CHST8: variants seen among roughly 807,000 people sequenced by gnomAD.
The protein encoded by CHST8 is carbohydrate sulfotransferase 8.
CHST8 carries 10 observed loss-of-function variants against 15.0 expected under a neutral mutation model. That is an observed-to-expected ratio of 0.67 (90% CI 0.41 to 1.13). The LOEUF (loss-of-function observed/expected upper bound fraction) is 1.13, where lower values mean the gene tolerates loss of function less well. Among genes scored for constraint, CHST8 ranks in the 50% most tolerant of loss-of-function variants. CHST8 has a pLI of 0.00. For missense variants in CHST8, 634 were observed against 608.2 expected, an observed-to-expected ratio of 1.04 and a Z score of -0.45; for synonymous variants, 259 against 256.6, an observed-to-expected ratio of 1.01 and a Z score of -0.09.
In CHST8 at chr19:33,773,216, G is replaced by T. The variant is rs971950697; in HGVS notation, c.*153G>T. 4 of 877,624 alleles carry T rather than the reference G, an allele frequency of 4.6e-6. No homozygotes were observed. In the African/African-American group the frequency reaches 6.8e-5, roughly 15 times the overall value. 54.4% of individuals were successfully genotyped at this position (877,624 alleles called of 1,614,324 possible). A position where few individuals can be genotyped will look rare whatever the true frequency, so the allele number is the denominator to read the frequency against. On this transcript the variant is annotated 3_prime_UTR_variant, in exon 5 of 5. Transcript: ENST00000650847. Reference sequence around the variant, plus strand: ...GGAGGCAGCAGGCCCCGGGTGGGGGGCAGAGGCGCCCAGCCTTGGATGGGG... The same window carrying T: ...GGAGGCAGCAGGCCCCGGGTGGGGGTCAGAGGCGCCCAGCCTTGGATGGGG...
chr19:33,722,268 T>A lies in CHST8; in HGVS notation c.130+32877T>A, dbSNP rs111655774. ...AAGGTGGGAGGGAGGGAGTGATAGATGAATGGATGGATGGACAGACGGATG... is the reference window on the plus strand; with the variant it reads ...AAGGTGGGAGGGAGGGAGTGATAGAAGAATGGATGGATGGACAGACGGATG... On this transcript the variant is annotated intron_variant, in intron 3 of 4. Coordinates refer to ENST00000650847, the MANE Select transcript of CHST8 (RefSeq NM_001127895.2). Among the ~76,000 whole-genome samples, 316 of 149,070 alleles carry A rather than the reference T, an allele frequency of 2.1e-3. 1 individual carries two copies. Among genetic ancestry groups the A allele is most frequent in the African/African-American group, 7.5e-3 (301 of 40,222 alleles).
Position 33,757,430 on chromosome 19 carries a change from GA to G in CHST8, c.131-13980del, listed in dbSNP as rs1167464595. ...AGAAAGAAAGAAAGAAAGAAAGAAA[GA>G]AAGAAAGAAAGAAAGAAAGAAAGAA... On this transcript the variant is annotated intron_variant, in intron 3 of 4. Transcript: ENST00000650847. 2.4e-4 allele frequency among the ~76,000 whole-genome samples: 4 copies of G among 16,970 alleles called. 2 individuals carry two copies. The highest frequency in any genetic ancestry group is 4.5e-4 in the Non-Finnish European group (4 of 8,904). 11.1% of individuals were successfully genotyped at this position (16,970 alleles called of 152,430 possible).
intron 3 of CHST8, among the ~76,000 whole-genome samples, chr19:33,762,398 C>T (rs1243948959): frequency 6.6e-6 from 1 of 152,240 alleles, no homozygotes; most frequent in Non-Finnish European, 1.5e-5. Flanking sequence ...TCTCTGACAG[C>T]TCCAAGGGAA....
intron 3 of CHST8, among the ~76,000 whole-genome samples, chr19:33,750,683 A>T (rs1430686251): frequency 6.6e-6 from 1 of 152,218 alleles, no homozygotes; most frequent in Non-Finnish European, 1.5e-5. Context: ...AAAATAGAGC[A>T]TTCTTTTTCG....
Position 33,724,878 on chromosome 19 carries a change from G to A in CHST8, c.130+35487G>A, listed in dbSNP as rs370857683. Among the ~76,000 whole-genome samples, 9 of 152,264 alleles carry A rather than the reference G, an allele frequency of 5.9e-5. No individual in the cohort carries two copies. The East Asian group carries it at 1.7e-3, about 29-fold the overall frequency. On this transcript the variant is annotated intron_variant, in intron 3 of 4. Transcript: ENST00000650847. ...AGGGTGGACTGTGGCCCAGAGTGGG[G>A]GGCCACACCTCGGCACACCCCAGCC...
intron 2 of CHST8, among the ~76,000 whole-genome samples, chr19:33,680,039 C>G (rs1344948369): frequency 1.3e-5 from 2 of 152,210 alleles, no homozygotes; most frequent in Admixed American, 6.5e-5. Flanking sequence ...AGGCCTACAT[C>G]CCTATTCCAC....
In CHST8 at chr19:33,701,241, C is replaced by T. The variant is rs145923214; in HGVS notation, c.130+11850C>T. 3.7e-3 allele frequency among the ~76,000 whole-genome samples: 558 copies of T among 152,170 alleles called. 3 individuals carry two copies. Among genetic ancestry groups the T allele is most frequent in the African/African-American group, 0.013 (533 of 41,492 alleles). On this transcript the variant is annotated intron_variant, in intron 3 of 4. Coordinates refer to ENST00000650847, the MANE Select transcript of CHST8 (RefSeq NM_001127895.2). Reference sequence around the variant, plus strand: ...CATCCTGTGTCTTCCCAGTCTTCTACGTGGCCACGATTTCCTGGGTTCCTC... The same window carrying T: ...CATCCTGTGTCTTCCCAGTCTTCTATGTGGCCACGATTTCCTGGGTTCCTC...
At chr19:33,666,147 C>T (rs1206682372) in intron 1 of CHST8, among the ~76,000 whole-genome samples, 3 of 152,208 alleles carry the variant, frequency 2.0e-5, no homozygotes, top group African/African-American at 4.8e-5. Context: ...TAATTAGTCA[C>T]GTGGCTGGAG....
chr19:33,661,093 C>A (rs1301132884), intron 1 of CHST8, among the ~76,000 whole-genome samples: 2 of 152,094 alleles, frequency 1.3e-5, no homozygotes, highest in Non-Finnish European at 2.9e-5. Flanking sequence ...TGTTGACATG[C>A]CCAGCACTGG....
At chr19:33,658,642 G>C (rs1204440744) in intron 1 of CHST8, among the ~76,000 whole-genome samples, 1 of 152,148 alleles carries the variant, frequency 6.6e-6, no homozygotes, top group African/African-American at 2.4e-5. Context: ...GTTTACAGCT[G>C]TTCTAACTGT....
chr19:33,718,597 G>A (rs1222035146), intron 3 of CHST8, among the ~76,000 whole-genome samples: 3 of 152,212 alleles, frequency 2.0e-5, no homozygotes, highest in Non-Finnish European at 4.4e-5. Context: ...GGCATCTGCT[G>A]CTGTTCCTCT....
At chr19:33,736,204 G>C (rs1176548724) in intron 3 of CHST8, among the ~76,000 whole-genome samples, 1 of 152,190 alleles carries the variant, frequency 6.6e-6, no homozygotes, top group Non-Finnish European at 1.5e-5. Flanking sequence ...TAGACTGGAG[G>C]GTGCTTCCGA....
intron 2 of CHST8, among the ~76,000 whole-genome samples, chr19:33,677,566 C>T (rs1035906761): frequency 1.3e-5 from 2 of 152,202 alleles, no homozygotes; most frequent in African/African-American, 2.4e-5. Flanking sequence ...CCTGTTCCTC[C>T]ACCCCAGGGC....
At chr19:33,702,959 A>G (rs1371775011) in intron 3 of CHST8, among the ~76,000 whole-genome samples, 1 of 152,174 alleles carries the variant, frequency 6.6e-6, no homozygotes, top group Non-Finnish European at 1.5e-5. Context: ...GGGATGCCAC[A>G]TGGCTGGACT....
At chr19:33,689,527 C>T in intron 3 of CHST8, 136 bp downstream of exon 3, 2 of 1,057,812 alleles carry the variant, frequency 1.9e-6, no homozygotes, top group Non-Finnish European at 2.6e-6. Context: ...CAGGCAGAGT[C>T]CTGGCTTCCC....
chr19:33,761,872 G>A (rs1974736277), intron 3 of CHST8, among the ~76,000 whole-genome samples: 1 of 151,680 alleles, frequency 6.6e-6, no homozygotes. Context: ...AGGGAGAGAG[G>A]GAAAGGATAC....
chr19:33,747,746 C>T (rs538225179), intron 3 of CHST8, among the ~76,000 whole-genome samples: 5 of 152,202 alleles, frequency 3.3e-5, no homozygotes, highest in African/African-American at 1.2e-4. Context: ...TTGTTTTCTT[C>T]GTCTTTATAG....
intron 3 of CHST8, among the ~76,000 whole-genome samples, chr19:33,751,122 C>T (rs984117066): frequency 3.9e-5 from 6 of 152,176 alleles, no homozygotes; most frequent in Admixed American, 3.3e-4. Flanking sequence ...AAGTCATTAA[C>T]GTGGCCAAAA....
At chr19:33,691,966 G>A (rs1055809241) in intron 3 of CHST8, among the ~76,000 whole-genome samples, 14 of 152,222 alleles carry the variant, frequency 9.2e-5, no homozygotes, top group South Asian at 8.3e-4. Flanking sequence ...GGGGAGTGGC[G>A]GGAATTCTGA....
Sources: allele counts gnomAD v4.1 joint callset (sites outside exome capture counted in the v4.1 genomes callset), GRCh38; gene constraint gnomAD v4.1.1; transcripts MANE v1.5; gene names NCBI Gene and HGNC (gene_info 2026-07-23, HGNC 2026-07-21).